Variants in LEKR1 observed in about 807,000 individuals in gnomAD.
LEKR1 encodes the protein leucine, glutamate and lysine rich 1, also known as protein LEKR1.
LEKR1 carries 59 observed loss-of-function variants against 72.4 expected under a neutral mutation model. The ratio of observed to expected loss-of-function variants is 0.82; its 90% CI spans 0.66 to 1.01. LEKR1 has a LOEUF of 1.01. Among genes scored for constraint, LEKR1 ranks in the 50% least tolerant of loss-of-function variants. The pLI is 0.00. For synonymous variants in LEKR1, 257 were observed against 263.2 expected, an observed-to-expected ratio of 0.98 and a Z score of 0.23; for missense variants, 728 against 759.2, an observed-to-expected ratio of 0.96 and a Z score of 0.48.
rs554909901 is a variant in LEKR1 at position 157,003,226 on chromosome 3, T to C, written c.1110-8187T>C. 2.0e-5 allele frequency among the ~76,000 whole-genome samples: 3 copies of C among 152,338 alleles called. No individual in the cohort carries two copies. The South Asian group carries it at 6.2e-4, about 32-fold the overall frequency. On this transcript the variant is annotated intron_variant, in intron 9 of 12. Coordinates refer to ENST00000356539, the MANE Select transcript of LEKR1 (RefSeq NM_001004316.3). Reference sequence around the variant, plus strand: ...CATTTATTCTGTAATCCTGGCATTTTGAAAACCAGGTGAAGTGCTACTTTA... The same window carrying C: ...CATTTATTCTGTAATCCTGGCATTTCGAAAACCAGGTGAAGTGCTACTTTA...
At chr3:156,925,905 A>T (rs1272168619) in intron 4 of LEKR1, among the ~76,000 whole-genome samples, 4 of 152,070 alleles carry the variant, frequency 2.6e-5, no homozygotes. Flanking sequence ...CTTTAATGAA[A>T]CAAGCAAGAA....
chr3:157,044,467 G>T (rs1735600989), intron 12 of LEKR1, among the ~76,000 whole-genome samples: 1 of 152,162 alleles, frequency 6.6e-6, no homozygotes, highest in Admixed American at 6.5e-5. Flanking sequence ...TCACACATTT[G>T]AAGCTTAAAT....
In LEKR1 at chr3:157,028,186, T is replaced by C; in HGVS notation, c.1452T>C (p.Ile484=). The C allele has an allele frequency of 6.2e-7, 1 of 1,612,382 alleles. No individual in the cohort carries two copies. The highest frequency in any genetic ancestry group is 8.5e-7 in the Non-Finnish European group (1 of 1,178,806). Residue 484 remains isoleucine (I), a synonymous_variant, in exon 12 of 13, where the codon ATT becomes ATC. Transcript: ENST00000356539. ...TLKEKLHKSH[I]RYTEESNSKE... ...AAGAAAAACTTCACAAATCCCATATTCGGTACACTGAAGAATCTAATTCAA... is the reference window on the plus strand; with the variant it reads ...AAGAAAAACTTCACAAATCCCATATCCGGTACACTGAAGAATCTAATTCAA...
intron 10 of LEKR1, 65 bp from the exon 11 acceptor site, chr3:157,024,695 A>C: frequency 8.6e-7 from 1 of 1,158,202 alleles, no homozygotes; most frequent in Non-Finnish European, 1.2e-6. Context: ...GAGTTTGAAA[A>C]TAAGCTTAAT....
rs146696302 is a variant in LEKR1 at position 156,850,714 on chromosome 3, C to T, written c.49-2054C>T. ...GGCTCATACCAGCTTGGGCTTGGTT[C>T]TTCTGGGTCTGATGTCCAATCCTGG... On this transcript the variant is annotated intron_variant, in intron 2 of 12. Transcript: ENST00000356539. 1.4e-3 allele frequency among the ~76,000 whole-genome samples: 213 copies of T among 152,282 alleles called. 5 individuals carry two copies. In the East Asian group the frequency reaches 0.033, roughly 23 times the overall value.
intron 11 of LEKR1, among the ~76,000 whole-genome samples, chr3:157,027,813 C>T (rs60826377): frequency 0.019 from 2,875 of 152,050 alleles, 70 homozygotes; most frequent in East Asian, 0.1. Context: ...CAGAGCAAGA[C>T]CCTGTCTCAA....
At chr3:156,973,057 A>T (rs1729377113) in intron 6 of LEKR1, among the ~76,000 whole-genome samples, 2 of 152,270 alleles carry the variant, frequency 1.3e-5, no homozygotes, top group South Asian at 4.1e-4. Flanking sequence ...CACATACCAG[A>T]TAATATCAAT....
In LEKR1 at chr3:156,852,749, T is replaced by TGTATG; in HGVS notation, c.49-18_49-14dup. ...TTCAGAATTAAAAAAATTTGGTAAG[T>TGTATG]GTATGTTCTGTTTCCTAGATGTTGC... On this transcript the variant is annotated intron_variant, in intron 2 of 12. Transcript: ENST00000356539. 7.3e-7 allele frequency: 1 copy of TGTATG among 1,379,078 alleles called. No homozygotes were observed. Among genetic ancestry groups the TGTATG allele is most frequent in the Non-Finnish European group, 9.8e-7 (1 of 1,024,756 alleles). 85.4% of individuals were successfully genotyped at this position (1,379,078 alleles called of 1,614,324 possible).
At chr3:157,008,671 A>T (rs950092700) in intron 9 of LEKR1, among the ~76,000 whole-genome samples, 5 of 152,230 alleles carry the variant, frequency 3.3e-5, no homozygotes, top group Non-Finnish European at 7.3e-5. Context: ...AAACCTACAG[A>T]TAACTTCTAT....
At chr3:156,997,553 A>G (rs1052374602) in intron 9 of LEKR1, among the ~76,000 whole-genome samples, 3 of 152,232 alleles carry the variant, frequency 2.0e-5, no homozygotes, top group Non-Finnish European at 4.4e-5. Flanking sequence ...CTGTGGAAGT[A>G]TTACAACCAA....
At chr3:156,993,835 T>C (rs1474545822) in intron 9 of LEKR1, among the ~76,000 whole-genome samples, 2 of 152,220 alleles carry the variant, frequency 1.3e-5, no homozygotes, top group Non-Finnish European at 2.9e-5. Flanking sequence ...TTATCTGTAA[T>C]TAATATTTCA....
chr3:156,829,412 G>A (rs374833443), intron 2 of LEKR1, 35 bp downstream of exon 2: 2 of 1,433,842 alleles, frequency 1.4e-6, no homozygotes, highest in Non-Finnish European at 1.9e-6. Context: ...CCTAACAGTG[G>A]GAACATGTAG....
chr3:156,833,027 T>C (rs561138657), intron 2 of LEKR1, among the ~76,000 whole-genome samples: 191 of 152,316 alleles, frequency 1.3e-3, no homozygotes, highest in African/African-American at 4.3e-3. Context: ...GAGAAAGAAA[T>C]ATGCTCCAAA....
chr3:156,886,116 T>A (rs1560052741), intron 3 of LEKR1, among the ~76,000 whole-genome samples: 1 of 152,226 alleles, frequency 6.6e-6, no homozygotes, highest in South Asian at 2.1e-4. Context: ...AGACTCTTCA[T>A]GGGTGAGGCT....
intron 2 of LEKR1, chr3:156,851,320 A>AC (rs1204417194): frequency 6.6e-6 from 1 of 152,244 alleles, no homozygotes; most frequent in Admixed American, 6.5e-5. Flanking sequence ...GAGGACTGGA[A>AC]CTGGTGCACA....
At chr3:156,858,687 A>AT (rs1411797497) in intron 3 of LEKR1, among the ~76,000 whole-genome samples, 221 of 149,454 alleles carry the variant, frequency 1.5e-3, no homozygotes, top group African/African-American at 4.6e-3. Context: ...AAAAAAAAAA[A>AT]AAAAATCTGT....
chr3:157,011,088 AT>A (rs1439364121), intron 9 of LEKR1, among the ~76,000 whole-genome samples: 1 of 152,050 alleles, frequency 6.6e-6, no homozygotes, highest in Non-Finnish European at 1.5e-5. Context: ...ATAACATTTT[AT>A]TTTATTTTTT....
chr3:156,884,275 A>T (rs1307129880), intron 3 of LEKR1, among the ~76,000 whole-genome samples: 1 of 152,124 alleles, frequency 6.6e-6, no homozygotes, highest in Non-Finnish European at 1.5e-5. Flanking sequence ...TACATTCAAC[A>T]TTAGTATTGA....
intron 3 of LEKR1, among the ~76,000 whole-genome samples, chr3:156,878,709 A>G (rs1003767263): frequency 4.6e-5 from 7 of 152,068 alleles, no homozygotes; most frequent in Admixed American, 1.3e-4. Flanking sequence ...GATCTGTGAT[A>G]TGGTTTGGCT....
Sources: allele counts gnomAD v4.1 joint callset (sites outside exome capture counted in the v4.1 genomes callset), GRCh38; gene constraint gnomAD v4.1.1; transcripts MANE v1.5; gene names NCBI Gene and HGNC (gene_info 2026-07-23, HGNC 2026-07-21).